The following SLCO4A1 variants were observed in gnomAD, a reference collection of about 807,000 sequenced individuals.
The protein encoded by SLCO4A1 is solute carrier organic anion transporter family member 4A1, also known as colon organic anion transporter.
In SLCO4A1, 51 loss-of-function variants were observed where a neutral mutation model predicts 64.6. That is an observed-to-expected ratio of 0.79 (90% CI 0.63 to 1.00). SLCO4A1 has a LOEUF of 1.00. Ranked by LOEUF, SLCO4A1 falls within the 50% of genes least tolerant of loss-of-function variation. SLCO4A1 has a pLI of 0.00. For synonymous variants in SLCO4A1, 471 were observed against 444.9 expected (o/e 1.06, Z -0.74); for missense variants, 919 against 980.5 (o/e 0.94, Z 0.84).
chr20:62,679,813 G>A (rs1987747636), intron 2 of SLCO4A1, among the ~76,000 whole-genome samples: 1 of 152,254 alleles, frequency 6.6e-6, no homozygotes. Flanking sequence ...CAGCAGCAGA[G>A]AGTCTAAGGA....
At chr20:62,666,819 C>G (rs1413507237) in intron 7 of SLCO4A1, 2 of 545,492 alleles carry the variant, frequency 3.7e-6, no homozygotes, top group Admixed American at 6.2e-5. Flanking sequence ...AGTCATATGC[C>G]TCTCTGGGCC....
chr20:62,674,407 C>A (rs573731648), downstream of SLCO4A1, among the ~76,000 whole-genome samples: 10 of 152,200 alleles, frequency 6.6e-5, no homozygotes, highest in Admixed American at 6.5e-4. Flanking sequence ...AACCCGGGGA[C>A]CTCAGGACTG....
intron 11 of SLCO4A1, among the ~76,000 whole-genome samples, chr20:62,670,772 G>A (rs898088349): frequency 3.9e-5 from 6 of 152,236 alleles, no homozygotes; most frequent in Admixed American, 6.5e-5. Context: ...CCTCAGCAGC[G>A]CATGCGTCCA....
At chr20:62,659,975 C>T (rs1984462732) in intron 3 of SLCO4A1, among the ~76,000 whole-genome samples, 1 of 152,252 alleles carries the variant, frequency 6.6e-6, no homozygotes, top group African/African-American at 2.4e-5. Flanking sequence ...TTGCCACGTG[C>T]ACAACAGTCC....
At chr20:62,668,440 C>T (rs771756030) in intron 9 of SLCO4A1, 37 bp from the exon 10 acceptor site, 35 of 1,610,236 alleles carry the variant, frequency 2.2e-5, no homozygotes, top group Non-Finnish European at 2.0e-5. Context: ...TGCAACCCCA[C>T]TTCTGTGGGT....
chr20:62,666,029 A>C, intron 6 of SLCO4A1: 2 of 197,194 alleles, frequency 1.0e-5, no homozygotes, highest in African/African-American at 2.3e-5. Flanking sequence ...GGGTCAGTGG[A>C]GGAGTCATTG....
At chr20:62,654,898 C>T (rs961787670) in intron 1 of SLCO4A1, among the ~76,000 whole-genome samples, 1 of 152,204 alleles carries the variant, frequency 6.6e-6, no homozygotes, top group Non-Finnish European at 1.5e-5. Context: ...GCCGGCCCCC[C>T]TCGGAGGCTG....
At chr20:62,668,677 C>T in intron 10 of SLCO4A1, 136 bp downstream of exon 10, 2 of 914,178 alleles carry the variant, frequency 2.2e-6, no homozygotes, top group Non-Finnish European at 3.5e-6. Flanking sequence ...GGTCCATTCC[C>T]TAACTGTCCA....
At chr20:62,678,413 G>A (rs915486814) in intron 2 of SLCO4A1, among the ~76,000 whole-genome samples, 6 of 152,050 alleles carry the variant, frequency 3.9e-5, no homozygotes, top group African/African-American at 1.2e-4. Context: ...AACCCAGCTC[G>A]ACAGTTTACT....
chr20:62,652,351 G>T (rs78277414), intron 1 of SLCO4A1, among the ~76,000 whole-genome samples: 2,954 of 152,270 alleles, frequency 0.019, 85 homozygotes, highest in African/African-American at 0.064. Context: ...TGCCTGGGGA[G>T]TCTGCGTGGC....
chr20:62,678,112 C>T (rs112524329), intron 2 of SLCO4A1, among the ~76,000 whole-genome samples: 5 of 152,334 alleles, frequency 3.3e-5, no homozygotes, highest in Non-Finnish European at 5.9e-5. Flanking sequence ...GTAGGTTATG[C>T]AGCGCTGTGG....
chr20:62,681,176 C>T (rs1183217919), intron 2 of SLCO4A1, among the ~76,000 whole-genome samples: 2 of 152,168 alleles, frequency 1.3e-5, no homozygotes, highest in African/African-American at 4.8e-5. Flanking sequence ...ATGAGCCACC[C>T]TTCCTGGCCT....
chr20:62,687,014 A>G (rs1212291790), downstream of SLCO4A1, among the ~76,000 whole-genome samples: 3 of 147,244 alleles, frequency 2.0e-5, no homozygotes, highest in African/African-American at 7.6e-5. Context: ...ACCCCCAAAC[A>G]GGCACAATGG....
downstream of SLCO4A1, among the ~76,000 whole-genome samples, chr20:62,677,202 A>C (rs574071817): frequency 6.6e-6 from 1 of 152,212 alleles, no homozygotes; most frequent in Non-Finnish European, 1.5e-5. Flanking sequence ...AATGTTCTGG[A>C]GTTAGATAAC....
chr20:62,675,908 A>G (rs1373814155), downstream of SLCO4A1, among the ~76,000 whole-genome samples: 8 of 152,268 alleles, frequency 5.3e-5, no homozygotes, highest in South Asian at 1.7e-3. Context: ...AAAGACATGC[A>G]TCCTGGGAGA....
chr20:62,672,140 G>A lies in SLCO4A1; in HGVS notation c.*247G>A. 7.2e-7 allele frequency: 1 copy of A among 1,396,330 alleles called. No homozygotes were observed. The highest frequency in any genetic ancestry group is 2.8e-5 in the East Asian group (1 of 36,068). 86.5% of individuals were successfully genotyped at this position (1,396,330 alleles called of 1,614,324 possible). On this transcript the variant is annotated 3_prime_UTR_variant, in exon 12 of 12. Coordinates refer to ENST00000217159, the MANE Select transcript of SLCO4A1 (RefSeq NM_016354.4). ...GCATCAGAACGTGTTTATAGAATGT[G>A]TTTTATACCCGATCGTGTGTGGTGT...
At chr20:62,655,951 G>A (rs1276021443) in intron 1 of SLCO4A1, among the ~76,000 whole-genome samples, 1 of 152,138 alleles carries the variant, frequency 6.6e-6, no homozygotes, top group Non-Finnish European at 1.5e-5. Flanking sequence ...AGCGAGCGGG[G>A]CCAGGGCGGG....
Position 62,666,501 on chromosome 20 carries a change from G to A in SLCO4A1, c.1398G>A (p.Leu466=). 4 of 1,613,546 alleles carry A rather than the reference G, an allele frequency of 2.5e-6. No individual in the cohort carries two copies. Among genetic ancestry groups the A allele is most frequent in the Non-Finnish European group, 3.4e-6 (4 of 1,180,002 alleles). Residue 466 remains leucine, a synonymous_variant, in exon 7 of 12, where the codon CTG becomes CTA. Coordinates refer to ENST00000217159, the MANE Select transcript of SLCO4A1 (RefSeq NM_016354.4). ...KFCLFCTVVS[L]LGILVFSLHC... is the part of the protein sequence containing the mutation. ...GCCTGTTCTGCACCGTTGTCAGCCT[G>A]CTGGGCATCCTCGTCTTCTCACTGC...
intron 1 of SLCO4A1, among the ~76,000 whole-genome samples, chr20:62,647,433 T>C (rs6512306): frequency 0.97 from 147,096 of 152,210 alleles, 71,268 homozygotes; most frequent in East Asian, 1. Flanking sequence ...AAAGGAGAAC[T>C]GAGACCCTAT....
Sources: allele counts gnomAD v4.1 joint callset (sites outside exome capture counted in the v4.1 genomes callset), GRCh38; gene constraint gnomAD v4.1.1; transcripts MANE v1.5; gene names NCBI Gene and HGNC (gene_info 2026-07-23, HGNC 2026-07-21).